Variants in PUS10 observed in about 807,000 individuals in gnomAD.
The protein encoded by PUS10 is tRNA pseudouridine synthase Pus10.
Under a neutral mutation model 75.0 loss-of-function variants are expected in PUS10, and 59 were observed. The ratio of observed to expected loss-of-function variants is 0.79; its 90% confidence interval spans 0.64 to 0.98. PUS10 has a LOEUF of 0.98. Ranked by LOEUF, PUS10 falls within the 50% of genes least tolerant of loss-of-function variation. The pLI is 0.00. For missense variants in PUS10, 650 were observed against 614.4 expected (o/e 1.06, Z -0.61); for synonymous variants, 219 against 211.6 (o/e 1.03, Z -0.30).
At chr2:60,945,323 C>T (rs1044347867) in intron 16 of PUS10, among the ~76,000 whole-genome samples, 2 of 152,212 alleles carry the variant, frequency 1.3e-5, no homozygotes, top group African/African-American at 2.4e-5. Context: ...TTACATCAAA[C>T]TTACCAAAAA....
Position 60,953,929 on chromosome 2 carries a change from T to C in PUS10, c.1190+4A>G. 2.5e-6 allele frequency: 4 copies of C among 1,613,338 alleles called. No homozygotes were observed. Among genetic ancestry groups the C allele is most frequent in the East Asian group, 2.2e-5 (1 of 44,880 alleles). ...GAAATCATCTCCAATGAGCCTACTCTTACCTTGTGACAAGCTGCAAGTCAC... is the reference window on the plus strand; with the variant it reads ...GAAATCATCTCCAATGAGCCTACTCCTACCTTGTGACAAGCTGCAAGTCAC... On this transcript the variant is annotated splice_donor_region_variant and intron_variant, in intron 14 of 17. Transcript: ENST00000316752.
chr2:61,008,618 C>G, intron 3 of PUS10, 143 bp downstream of exon 3: 1 of 635,700 alleles, frequency 1.6e-6, no homozygotes, highest in Non-Finnish European at 2.6e-6. Flanking sequence ...TGTGATTGTA[C>G]CACTGCACTT....
chr2:60,945,009 C>T lies in PUS10; in HGVS notation c.1551G>A (p.Glu517=). ...TGCATTCCACAACAAAATGGTTTAC[C>T]TCAACATCCAGCTCCAGAATGTCTG... ...VTADILELDV[E]SVDVDWPPAL... is the part of the protein sequence containing the mutation. Residue 517 remains glutamate (E), a splice_region_variant and synonymous_variant, in exon 17 of 18, where the codon GAG becomes GAA. Coordinates refer to ENST00000316752, the MANE Select transcript of PUS10 (RefSeq NM_144709.4). 6.2e-7 allele frequency: 1 copy of T among 1,611,048 alleles called. No individual in the cohort carries two copies.
chr2:61,011,873 C>T lies in PUS10; in HGVS notation c.18G>A (p.Glu6=), dbSNP rs1368270684. 46 of 1,604,934 alleles carry T rather than the reference C, an allele frequency of 2.9e-5. No homozygotes were observed. The East Asian group carries it at 9.6e-4, about 34-fold the overall frequency. The stretch of plus-strand genomic sequence containing the variant: ...ACAACTGGGCCACATGCTTGTTTTC[C>T]TCAGTCAGTGGGAACATATTGAATA... The part of the protein sequence containing the change: MFPLT[E]ENKHVAQLLL... Residue 6 remains glutamate, a synonymous_variant, in exon 2 of 18, where the codon GAG becomes GAA. Coordinates refer to ENST00000316752, the MANE Select transcript of PUS10 (RefSeq NM_144709.4).
rs367945635 is a variant in PUS10, at chr2:61,018,119, G to T, written c.-127C>A. 87 of 1,547,572 alleles carry T rather than the reference G, an allele frequency of 5.6e-5. No homozygotes were observed. The African/African-American group carries it at 6.4e-4, about 11-fold the overall frequency. On this transcript the variant is annotated 5_prime_UTR_variant, in exon 1 of 18. Coordinates refer to ENST00000316752, the MANE Select transcript of PUS10 (RefSeq NM_144709.4). ...CTGGGTCTCTGTGCTTGAAAGAAAGGGGGGCGGCTTCCTACCTACCGCTTC... is the reference window on the plus strand; with the variant it reads ...CTGGGTCTCTGTGCTTGAAAGAAAGTGGGGCGGCTTCCTACCTACCGCTTC...
intron 11 of PUS10, among the ~76,000 whole-genome samples, chr2:60,955,430 A>G (rs1394619442): frequency 1.3e-5 from 2 of 152,084 alleles, no homozygotes; most frequent in South Asian, 2.1e-4. Context: ...CCTGGGCCCA[A>G]TCAATCCTCT....
At chr2:61,006,050 T>C (rs1020145088) in intron 4 of PUS10, among the ~76,000 whole-genome samples, 5 of 151,640 alleles carry the variant, frequency 3.3e-5, no homozygotes, top group African/African-American at 1.2e-4. Context: ...CAGCAGTGAC[T>C]TTTTTTTTCA....
At chr2:61,014,895 T>TA (rs1170543883) in intron 1 of PUS10, among the ~76,000 whole-genome samples, 1 of 152,180 alleles carries the variant, frequency 6.6e-6, no homozygotes, top group Non-Finnish European at 1.5e-5. Context: ...TGGGGCCACT[T>TA]ACCAAGATTC....
chr2:60,967,386 A>C (rs565343937), intron 6 of PUS10, 116 bp downstream of exon 6: 2 of 657,700 alleles, frequency 3.0e-6, no homozygotes, highest in Admixed American at 2.9e-5. Context: ...AGCTTAAAAA[A>C]TCCTTCACTG....
chr2:60,984,838 C>A (rs1677617931), intron 4 of PUS10, among the ~76,000 whole-genome samples: 1 of 151,988 alleles, frequency 6.6e-6, no homozygotes, highest in East Asian at 1.9e-4. Flanking sequence ...AGCAAACAAA[C>A]CCAAACTATG....
At position 60,967,587 on chromosome 2, in the gene PUS10, T is replaced by C. The variant is rs1676418113; in HGVS notation, c.530A>G (p.Asp177Gly). The C allele has an allele frequency of 6.2e-7, 1 of 1,607,156 alleles. No homozygotes were observed. Among genetic ancestry groups the C allele is most frequent in the African/African-American group, 1.3e-5 (1 of 74,558 alleles). ...MGKQSLSLGR[D>G]DIVQLKEAYK... is the part of the protein sequence containing the mutation. ...GGCTTCTTTTAGCTGAACTATATCA[T>C]CTCTTCCCAGCGACAGACTCTGCTT... is the stretch of plus-strand genomic sequence containing the variant. Residue 177 changes from aspartate to glycine, a missense_variant, in exon 6 of 18, where the codon GAT becomes GGT. Coordinates refer to ENST00000316752, the MANE Select transcript of PUS10 (RefSeq NM_144709.4).
chr2:60,993,266 C>A (rs912825905), intron 4 of PUS10, among the ~76,000 whole-genome samples: 3 of 152,062 alleles, frequency 2.0e-5, no homozygotes, highest in Non-Finnish European at 4.4e-5. Context: ...ACCATCCTGG[C>A]CAACATGGTG....
chr2:60,975,824 CGATCT>C (rs1374522949), intron 4 of PUS10, among the ~76,000 whole-genome samples: 2 of 151,882 alleles, frequency 1.3e-5, no homozygotes, highest in African/African-American at 4.8e-5. Context: ...TGCTGTAGCA[CGATCT>C]CGGCTCACTG....
intron 4 of PUS10, among the ~76,000 whole-genome samples, chr2:60,981,777 C>G (rs765887729): frequency 2.0e-5 from 3 of 152,126 alleles, no homozygotes; most frequent in Admixed American, 6.5e-5. Context: ...CATTCTGCCT[C>G]TACATTCAAT....
chr2:60,940,956 T>G lies in PUS10; in HGVS notation c.*1439A>C, dbSNP rs1450912020. ...GTTGGTTCCAACGTGGCTGACTCCT[T>G]TGTGTCCATTAAAACCATTTTCCTC... On this transcript the variant is annotated 3_prime_UTR_variant, in exon 18 of 18. Coordinates refer to ENST00000316752, the MANE Select transcript of PUS10 (RefSeq NM_144709.4). 2 of 152,348 alleles carry G rather than the reference T, an allele frequency of 1.3e-5. No homozygotes were observed. The highest frequency in any genetic ancestry group is 4.8e-5 in the African/African-American group (2 of 41,460). 9.4% of individuals were successfully genotyped at this position (152,348 alleles called of 1,614,324 possible). A position where few individuals can be genotyped will look rare whatever the true frequency, so the allele number is the denominator to read the frequency against.
At chr2:60,982,019 G>T (rs1178775459) in intron 4 of PUS10, among the ~76,000 whole-genome samples, 3 of 151,836 alleles carry the variant, frequency 2.0e-5, no homozygotes, top group Non-Finnish European at 2.9e-5. Context: ...ATCAAAATTT[G>T]ACTCAAGAAG....
chr2:60,986,568 T>A (rs1192697148), intron 4 of PUS10, among the ~76,000 whole-genome samples: 1 of 152,226 alleles, frequency 6.6e-6, no homozygotes, highest in Admixed American at 6.5e-5. Flanking sequence ...ATTATATGAA[T>A]TTTGTGAAAA....
intron 4 of PUS10, among the ~76,000 whole-genome samples, chr2:60,982,480 C>G (rs1477854242): frequency 2.0e-5 from 3 of 152,032 alleles, no homozygotes; most frequent in Admixed American, 6.6e-5. Flanking sequence ...CCAGGCTGGT[C>G]TCAAACTCCT....
chr2:60,980,381 G>A (rs541722082), intron 4 of PUS10, among the ~76,000 whole-genome samples: 1 of 152,170 alleles, frequency 6.6e-6, no homozygotes, highest in Non-Finnish European at 1.5e-5. Context: ...CCCATTCTAA[G>A]GATACCTCTG....
Sources: allele counts gnomAD v4.1 joint callset (sites outside exome capture counted in the v4.1 genomes callset), GRCh38; gene constraint gnomAD v4.1.1; transcripts MANE v1.5; gene names NCBI Gene and HGNC (gene_info 2026-07-23, HGNC 2026-07-21).